Variants in SORCS3 observed in about 807,000 individuals in gnomAD.
The protein encoded by SORCS3 is sortilin related VPS10 domain containing receptor 3.
In SORCS3, 57 loss-of-function variants were observed where a neutral mutation model predicts 146.3. That is an observed-to-expected ratio of 0.39 (90% CI 0.31 to 0.49). The LOEUF is 0.49. SORCS3 is among the 20% of genes least tolerant of loss of function. SORCS3 has a pLI of 0.92. For synonymous variants in SORCS3, 653 were observed against 618.5 expected (o/e 1.06, Z -0.83); for missense variants, 1,341 against 1,575.5 (o/e 0.85, Z 2.52).
intron 1 of SORCS3, among the ~76,000 whole-genome samples, chr10:104,662,212 G>A (rs1248891680): frequency 6.6e-6 from 1 of 152,156 alleles, no homozygotes; most frequent in Admixed American, 6.5e-5. Flanking sequence ...TAGGCTGAGA[G>A]TATCAGAGCA....
intron 1 of SORCS3, among the ~76,000 whole-genome samples, chr10:104,805,109 G>A (rs1306989301): frequency 6.6e-6 from 1 of 152,184 alleles, no homozygotes; most frequent in African/African-American, 2.4e-5. Context: ...GAGTCATCAA[G>A]GGGCCATAAG....
chr10:105,135,888 C>A (rs768094139), intron 7 of SORCS3, among the ~76,000 whole-genome samples: 15 of 152,170 alleles, frequency 9.9e-5, no homozygotes, highest in Non-Finnish European at 1.5e-4. Context: ...TGTTCATGAC[C>A]AGGTAAGTAA....
chr10:104,686,177 T>A (rs1338780957), intron 1 of SORCS3, among the ~76,000 whole-genome samples: 1 of 152,068 alleles, frequency 6.6e-6, no homozygotes, highest in Non-Finnish European at 1.5e-5. Context: ...AAGGTCAGGT[T>A]GGAGGGTATG....
chr10:104,946,538 G>C (rs541836422), intron 3 of SORCS3, among the ~76,000 whole-genome samples: 83 of 152,240 alleles, frequency 5.5e-4, no homozygotes, highest in African/African-American at 2.0e-3. Context: ...GAGGAGGCAG[G>C]GCACACAAAA....
chr10:105,113,192 T>A (rs1183718246), intron 7 of SORCS3, among the ~76,000 whole-genome samples: 1 of 152,204 alleles, frequency 6.6e-6, no homozygotes, highest in Admixed American at 6.5e-5. Flanking sequence ...GCAGCCCTGT[T>A]GGCTGCATTG....
chr10:105,042,738 A>G (rs1484182580), intron 4 of SORCS3, among the ~76,000 whole-genome samples: 3 of 152,098 alleles, frequency 2.0e-5, no homozygotes, highest in Non-Finnish European at 4.4e-5. Flanking sequence ...GAGCATTTTT[A>G]TATGTAGTCT....
chr10:104,898,455 G>A (rs1323281781), intron 2 of SORCS3, among the ~76,000 whole-genome samples: 3 of 152,148 alleles, frequency 2.0e-5, no homozygotes, highest in Non-Finnish European at 2.9e-5. Flanking sequence ...TTCCTTGGGG[G>A]CCATAAGTAA....
intron 7 of SORCS3, among the ~76,000 whole-genome samples, chr10:105,124,139 C>T (rs1215227249): frequency 6.6e-6 from 1 of 152,168 alleles, no homozygotes; most frequent in Non-Finnish European, 1.5e-5. Flanking sequence ...ACTTCTTTCT[C>T]CTTAGCCAGG....
chr10:105,058,827 T>C (rs1235227435), intron 5 of SORCS3, among the ~76,000 whole-genome samples: 1 of 152,150 alleles, frequency 6.6e-6, no homozygotes, highest in Admixed American at 6.5e-5. Flanking sequence ...AAGGAATAAA[T>C]GCAATGTTCA....
intron 7 of SORCS3, among the ~76,000 whole-genome samples, chr10:105,111,328 A>G (rs1389122778): frequency 6.6e-6 from 1 of 152,166 alleles, no homozygotes; most frequent in African/African-American, 2.4e-5. Context: ...ATGTTTCCCC[A>G]GCCAGGTCTC....
intron 4 of SORCS3, among the ~76,000 whole-genome samples, chr10:104,979,645 C>T (rs990157989): frequency 2.0e-5 from 3 of 152,190 alleles, no homozygotes; most frequent in East Asian, 3.9e-4. Context: ...TTCTATGTCT[C>T]GTTAACCAAG....
chr10:105,113,037 G>A (rs2055869109), intron 7 of SORCS3, among the ~76,000 whole-genome samples: 1 of 152,192 alleles, frequency 6.6e-6, no homozygotes, highest in African/African-American at 2.4e-5. Context: ...AGGACGCCTG[G>A]AAAGGCTGGG....
At chr10:105,115,475 T>A (rs1230061301) in intron 7 of SORCS3, among the ~76,000 whole-genome samples, 1 of 152,204 alleles carries the variant, frequency 6.6e-6, no homozygotes, top group Non-Finnish European at 1.5e-5. Flanking sequence ...AATTCGTTTT[T>A]AAATTATTCA....
At chr10:104,996,721 A>G (rs1345761007) in intron 4 of SORCS3, among the ~76,000 whole-genome samples, 1 of 152,198 alleles carries the variant, frequency 6.6e-6, no homozygotes, top group East Asian at 1.9e-4. Flanking sequence ...GTACTATTTT[A>G]CTAGTTTCTG....
In SORCS3 at chr10:105,104,214, G is replaced by GT. The variant is rs2055805955; in HGVS notation, c.1094-1179dup. 3.3e-5 allele frequency among the ~76,000 whole-genome samples: 5 copies of GT among 152,128 alleles called. No individual in the cohort carries two copies. The South Asian group carries it at 1.0e-3, about 32-fold the overall frequency. ...ATAGGCATATGTAATAATGCATGTG[G>GT]TTTTAGATAATAAGATTTCTCTACT... On this transcript the variant is annotated intron_variant, in intron 6 of 26. Coordinates refer to ENST00000369701, the MANE Select transcript of SORCS3 (RefSeq NM_014978.3).
At chr10:105,111,784 GC>G (rs2055860810) in intron 7 of SORCS3, among the ~76,000 whole-genome samples, 1 of 152,212 alleles carries the variant, frequency 6.6e-6, no homozygotes, top group African/African-American at 2.4e-5. Context: ...TGGAGAAAGA[GC>G]CTTTCACCTG....
chr10:105,023,892 GA>G (rs776169227), intron 4 of SORCS3, among the ~76,000 whole-genome samples: 13 of 152,054 alleles, frequency 8.5e-5, no homozygotes, highest in Non-Finnish European at 1.5e-4. Flanking sequence ...GGATGGTGGG[GA>G]GACAAATAGT....
intron 1 of SORCS3, among the ~76,000 whole-genome samples, chr10:104,780,579 A>T: frequency 6.6e-6 from 1 of 152,154 alleles, no homozygotes. Context: ...CCCTGTTTGG[A>T]TCTGCAGGGG....
chr10:105,261,665 A>T (rs892964431), intron 25 of SORCS3, among the ~76,000 whole-genome samples: 1 of 152,202 alleles, frequency 6.6e-6, no homozygotes, highest in Non-Finnish European at 1.5e-5. Context: ...GAAGCCGCTC[A>T]CTTCTCCAAC....
Sources: allele counts gnomAD v4.1 joint callset (sites outside exome capture counted in the v4.1 genomes callset), GRCh38; gene constraint gnomAD v4.1.1; transcripts MANE v1.5; gene names NCBI Gene and HGNC (gene_info 2026-07-23, HGNC 2026-07-21).